SUPT3H: variants seen among roughly 807,000 people sequenced by gnomAD.
SUPT3H encodes transcription initiation protein SPT3 homolog.
SUPT3H carries 44 observed loss-of-function variants against 44.3 expected under a neutral mutation model. That is an observed-to-expected ratio of 0.99 (90% CI 0.78 to 1.28). The LOEUF (loss-of-function observed/expected upper bound fraction) is 1.28. SUPT3H is among the 50% of genes most tolerant of loss of function. SUPT3H has a pLI of 0.00. For synonymous variants in SUPT3H, 124 were observed against 125.6 expected, an observed-to-expected ratio of 0.99 and a Z score of 0.09; for missense variants, 380 against 387.1, an observed-to-expected ratio of 0.98 and a Z score of 0.15.
intron 10 of SUPT3H, among the ~76,000 whole-genome samples, chr6:44,870,849 T>C (rs1040694613): frequency 4.2e-4 from 64 of 151,000 alleles, no homozygotes; most frequent in Admixed American, 3.2e-3. Flanking sequence ...GCGCAAGGGG[T>C]CAGGGAGTTC....
chr6:45,357,801 T>C (rs1793509966), intron 2 of SUPT3H, among the ~76,000 whole-genome samples: 1 of 152,158 alleles, frequency 6.6e-6, no homozygotes, highest in African/African-American at 2.4e-5. Flanking sequence ...AAACTCACAA[T>C]GACATTACAT....
At chr6:45,179,900 T>C (rs1208118903) in intron 2 of SUPT3H, among the ~76,000 whole-genome samples, 1 of 152,174 alleles carries the variant, frequency 6.6e-6, no homozygotes, top group Non-Finnish European at 1.5e-5. Context: ...TAAAGGGTAT[T>C]CAATTAGGAA....
At chr6:45,168,527 A>AAC (rs1298687320) in intron 2 of SUPT3H, among the ~76,000 whole-genome samples, 4 of 152,134 alleles carry the variant, frequency 2.6e-5, no homozygotes, top group African/African-American at 9.7e-5. Context: ...GTACATCCTT[A>AAC]ACCCTGGCAA....
chr6:45,096,221 T>G (rs925724613), intron 3 of SUPT3H, among the ~76,000 whole-genome samples: 1 of 152,176 alleles, frequency 6.6e-6, no homozygotes, highest in Non-Finnish European at 1.5e-5. Flanking sequence ...CAATATTCAA[T>G]CATTTATAGC....
chr6:44,971,436 C>T (rs898580323), intron 6 of SUPT3H, among the ~76,000 whole-genome samples: 5 of 152,112 alleles, frequency 3.3e-5, no homozygotes, highest in African/African-American at 1.2e-4. Context: ...ACAATCATGG[C>T]AGAAGGGGAA....
At chr6:45,019,132 C>A (rs897747001) in intron 4 of SUPT3H, among the ~76,000 whole-genome samples, 112 of 152,110 alleles carry the variant, frequency 7.4e-4, no homozygotes, top group African/African-American at 2.6e-3. Flanking sequence ...AGTTTATTTG[C>A]GTAGAGGTGT....
intron 6 of SUPT3H, 95 bp downstream of exon 6, chr6:45,003,558 T>C (rs1782287772): frequency 7.1e-7 from 1 of 1,417,912 alleles, no homozygotes; most frequent in Admixed American, 2.3e-5. Flanking sequence ...CTTAGAGATT[T>C]CAGACAACAT....
intron 2 of SUPT3H, among the ~76,000 whole-genome samples, chr6:45,255,585 C>T (rs1773239433): frequency 6.6e-6 from 1 of 151,834 alleles, no homozygotes; most frequent in Non-Finnish European, 1.5e-5. Context: ...CCATGCCCAG[C>T]AATGTTTTTT....
intron 2 of SUPT3H, among the ~76,000 whole-genome samples, chr6:45,210,025 T>C (rs73441122): frequency 0.12 from 17,988 of 152,116 alleles, 1,248 homozygotes; most frequent in African/African-American, 0.19. Flanking sequence ...CTATGACACA[T>C]TGAAGGCTCA....
chr6:44,959,547 T>C (rs1295125399), intron 7 of SUPT3H, among the ~76,000 whole-genome samples: 1 of 152,034 alleles, frequency 6.6e-6, no homozygotes, highest in Non-Finnish European at 1.5e-5. Flanking sequence ...ATTTTAATTA[T>C]AGATTATAAA....
chr6:45,321,878 T>C lies in SUPT3H; in HGVS notation c.101+43323A>G, dbSNP rs555481978. ...TTTCCAATTATTTCTATAGAATCTG[T>C]TTTCCCTATGAAGCTAGAAAAAAAA... On this transcript the variant is annotated intron_variant, in intron 2 of 10. Transcript: ENST00000371459. 2.4e-5 allele frequency: 38 copies of C among 1,578,404 alleles called. No homozygotes were observed. Among genetic ancestry groups the C allele is most frequent in the Middle Eastern group, 1.9e-4 (1 of 5,232 alleles).
intron 2 of SUPT3H, among the ~76,000 whole-genome samples, chr6:45,158,243 GATA>G (rs1173461291): frequency 2.0e-4 from 21 of 106,886 alleles, no homozygotes; most frequent in Non-Finnish European, 3.3e-4. Flanking sequence ...TAGATAGATA[GATA>G]ATGCCTATAT....
At chr6:45,008,352 T>G (rs1217062777) in intron 5 of SUPT3H, among the ~76,000 whole-genome samples, 1 of 152,102 alleles carries the variant, frequency 6.6e-6, no homozygotes, top group African/African-American at 2.4e-5. Context: ...TATTATCATT[T>G]TGTGTGTTTG....
intron 3 of SUPT3H, among the ~76,000 whole-genome samples, chr6:45,061,734 C>CTA (rs1268102567): frequency 7.0e-6 from 1 of 142,312 alleles, no homozygotes; most frequent in East Asian, 2.1e-4. Flanking sequence ...TCCATTATGA[C>CTA]TATATATATC....
At chr6:45,087,843 A>G (rs1796666717) in intron 3 of SUPT3H, among the ~76,000 whole-genome samples, 1 of 151,968 alleles carries the variant, frequency 6.6e-6, no homozygotes, top group African/African-American at 2.4e-5. Flanking sequence ...TCTTCACACA[A>G]TATTCTGAAA....
At chr6:45,193,153 G>C (rs2153620524) in intron 2 of SUPT3H, among the ~76,000 whole-genome samples, 1 of 152,170 alleles carries the variant, frequency 6.6e-6, no homozygotes, top group South Asian at 2.1e-4. Flanking sequence ...GTGTATGTAT[G>C]TAAAGTAGGA....
chr6:45,239,924 A>G (rs1769972420), intron 2 of SUPT3H, among the ~76,000 whole-genome samples: 1 of 152,226 alleles, frequency 6.6e-6, no homozygotes, highest in Non-Finnish European at 1.5e-5. Context: ...TATTGACTTC[A>G]AATTTTTTGA....
intron 6 of SUPT3H, among the ~76,000 whole-genome samples, chr6:44,966,958 T>C (rs1776863846): frequency 6.6e-6 from 1 of 152,228 alleles, no homozygotes; most frequent in South Asian, 2.1e-4. Flanking sequence ...CATACTCTTG[T>C]ATCTGCAAGT....
chr6:45,369,154 T>A (rs1020101541), intron 1 of SUPT3H, among the ~76,000 whole-genome samples: 2 of 152,106 alleles, frequency 1.3e-5, no homozygotes, highest in African/African-American at 4.8e-5. Context: ...TAAACTTATC[T>A]CAAATCAGTC....
Sources: gnomAD v4.1 joint callset for allele counts (sites outside exome capture counted in the v4.1 genomes callset) on GRCh38, gnomAD v4.1.1 for gene constraint, MANE v1.5 for transcripts, NCBI Gene and HGNC (gene_info 2026-07-23, HGNC 2026-07-21) for gene names.